The following KCNQ1 variants were observed in gnomAD, a reference collection of about 807,000 sequenced individuals.
The protein encoded by KCNQ1 is potassium voltage-gated channel subfamily KQT member 1.
Under a neutral mutation model 72.4 loss-of-function variants are expected in KCNQ1, and 49 were observed. The ratio of observed to expected loss-of-function variants is 0.68; its 90% CI spans 0.54 to 0.86. The LOEUF (loss-of-function observed/expected upper bound fraction) is 0.86, where lower values mean the gene tolerates loss of function less well. Ranked by LOEUF, KCNQ1 falls within the 40% of genes least tolerant of loss-of-function variation. The pLI is 0.00. For missense variants in KCNQ1, 790 were observed against 945.1 expected, an observed-to-expected ratio of 0.84 and a Z score of 2.15; for synonymous variants, 450 against 412.6, an observed-to-expected ratio of 1.09 and a Z score of -1.10.
At chr11:2,454,670 C>A (rs1463880354) in intron 1 of KCNQ1, among the ~76,000 whole-genome samples, 1 of 152,084 alleles carries the variant, frequency 6.6e-6, no homozygotes, top group South Asian at 2.1e-4. Context: ...AAAACAAAAA[C>A]CGTATGATCA....
chr11:2,644,326 G>A, intron 10 of KCNQ1: 4 of 398,188 alleles, frequency 1.0e-5, no homozygotes, highest in Admixed American at 8.8e-5. Flanking sequence ...TATCTTCAAG[G>A]TGTGAAATTC....
intron 11 of KCNQ1, among the ~76,000 whole-genome samples, chr11:2,726,499 C>A (rs999975886): frequency 6.6e-6 from 1 of 152,178 alleles, no homozygotes; most frequent in African/African-American, 2.4e-5. Context: ...ACACCACCCA[C>A]TGCAGGTTCC....
intron 12 of KCNQ1, among the ~76,000 whole-genome samples, chr11:2,770,627 G>T (rs1386495693): frequency 6.6e-6 from 1 of 152,244 alleles, no homozygotes; most frequent in Non-Finnish European, 1.5e-5. Context: ...AAAGCTCCCA[G>T]CAGTGCCTGG....
In KCNQ1 at chr11:2,612,548, CCTA is replaced by C. The variant is rs1408818556; in HGVS notation, c.1393+23695_1393+23697del. The C allele has an allele frequency of 1.0e-5, 4 of 398,414 alleles. No homozygotes were observed. Among genetic ancestry groups the C allele is most frequent in the African/African-American group, 8.2e-5 (4 of 48,600 alleles). The allele number at this position is 398,414 out of a possible 1,614,324, so 24.7% of individuals were successfully genotyped here. ...CTTAGCCGCACTAGTGAGTTTTTCA[CCTA>C]AGTTATTATATTTCACAACTACAGA... On this transcript the variant is annotated intron_variant, in intron 10 of 15. Coordinates refer to ENST00000155840, the MANE Select transcript of KCNQ1 (RefSeq NM_000218.3). The surrounding 1 kb of genome is among the most constrained non-coding windows in gnomAD (Gnocchi z 5.5).
intron 15 of KCNQ1, among the ~76,000 whole-genome samples, chr11:2,822,086 G>A (rs1335953968): frequency 6.6e-6 from 1 of 152,240 alleles, no homozygotes; most frequent in African/African-American, 2.4e-5. Flanking sequence ...CAGAGAGGCT[G>A]AAGGTGCTGT....
At chr11:2,838,321 G>A (rs1848125586) in intron 15 of KCNQ1, among the ~76,000 whole-genome samples, 1 of 152,172 alleles carries the variant, frequency 6.6e-6, no homozygotes, top group African/African-American at 2.4e-5. Context: ...AAGGAAGCAG[G>A]CTTGGGGCTG....
At chr11:2,841,134 A>G (rs892663215) in intron 15 of KCNQ1, among the ~76,000 whole-genome samples, 2 of 152,158 alleles carry the variant, frequency 1.3e-5, no homozygotes, top group African/African-American at 4.8e-5. Context: ...GAGAGATGAG[A>G]CGAGGAGGCC....
At position 2,735,487 on chromosome 11, in the gene KCNQ1, G is replaced by A. The variant is rs1042150648; in HGVS notation, c.1515-33357G>A. On this transcript the variant is annotated intron_variant, in intron 11 of 15. Coordinates refer to ENST00000155840, the MANE Select transcript of KCNQ1 (RefSeq NM_000218.3). This position sits in a 1 kb window ranked among gnomAD's most constrained non-coding sequence, Gnocchi z 7.7. ...CCACACTCCACTGCATTCAGCCACC[G>A]TCCTGAAGTGCCCCTCACCCACCCA... 2.0e-5 allele frequency among the ~76,000 whole-genome samples: 3 copies of A among 151,616 alleles called. No homozygotes were observed. Among genetic ancestry groups the A allele is most frequent in the Non-Finnish European group, 4.4e-5 (3 of 67,904 alleles).
chr11:2,682,602 G>A lies in KCNQ1; in HGVS notation c.1514+20521G>A, dbSNP rs1590029410. On this transcript the variant is annotated intron_variant, in intron 11 of 15. Coordinates refer to ENST00000155840, the MANE Select transcript of KCNQ1 (RefSeq NM_000218.3). The surrounding 1 kb of genome is among the most constrained non-coding windows in gnomAD (Gnocchi z 5.8). ...GCAACCCAAGGCTGGTCTGGAGAGT[G>A]TAAGGCTTGAGAGCTCTTCTTCAGG... 7.5e-6 allele frequency: 3 copies of A among 398,490 alleles called. No homozygotes were observed. Among genetic ancestry groups the A allele is most frequent in the South Asian group, 1.3e-4 (1 of 7,854 alleles). The allele number at this position is 398,490 out of a possible 1,614,324, so 24.7% of individuals were successfully genotyped here.
chr11:2,660,473 G>T, intron 10 of KCNQ1: 1 of 398,562 alleles, frequency 2.5e-6, no homozygotes, highest in South Asian at 1.3e-4. Context: ...TGAAAAAACA[G>T]ACTGGGGAAG....
chr11:2,459,832 G>A (rs1228348898), intron 1 of KCNQ1, among the ~76,000 whole-genome samples: 2 of 152,158 alleles, frequency 1.3e-5, no homozygotes, highest in African/African-American at 4.8e-5. Context: ...TCCTTCCCAT[G>A]CAGCACAGGT....
chr11:2,547,471 T>C lies in KCNQ1; in HGVS notation c.477+19453T>C, dbSNP rs1488529301. Among the ~76,000 whole-genome samples, 4 of 152,160 alleles carry C rather than the reference T, an allele frequency of 2.6e-5. No homozygotes were observed. The highest frequency in any genetic ancestry group is 9.7e-5 in the African/African-American group (4 of 41,426). On this transcript the variant is annotated intron_variant, in intron 2 of 15. Transcript: ENST00000155840. The surrounding 1 kb of genome is among the most constrained non-coding windows in gnomAD (Gnocchi z 4.2). ...CTGGTCTTGAACTCCTGACCTCAAGTCATCTGCCCGCCTCAGCCTCCCAAA... is the reference window on the plus strand; with the variant it reads ...CTGGTCTTGAACTCCTGACCTCAAGCCATCTGCCCGCCTCAGCCTCCCAAA...
chr11:2,568,635 T>C (rs1848281530), intron 2 of KCNQ1, among the ~76,000 whole-genome samples: 1 of 152,236 alleles, frequency 6.6e-6, no homozygotes, highest in South Asian at 2.1e-4. Flanking sequence ...AATAGTCATT[T>C]ATTTGTTCCT....
intron 15 of KCNQ1, among the ~76,000 whole-genome samples, chr11:2,819,469 C>T (rs544488100): frequency 8.4e-4 from 128 of 152,318 alleles, no homozygotes; most frequent in Non-Finnish European, 1.7e-3. Context: ...CACCAGGTGC[C>T]GAGAGCCTTC....
chr11:2,472,533 G>A (rs1038947657), intron 1 of KCNQ1, among the ~76,000 whole-genome samples: 1 of 152,120 alleles, frequency 6.6e-6, no homozygotes, highest in African/African-American at 2.4e-5. Context: ...AGAGAAGGAG[G>A]GTCGTGGCCT....
chr11:2,796,335 C>A (rs569663042), intron 15 of KCNQ1, among the ~76,000 whole-genome samples: 1 of 152,190 alleles, frequency 6.6e-6, no homozygotes, highest in Admixed American at 6.5e-5. Flanking sequence ...AAGGCGGCCA[C>A]GTCAGTTCTC....
intron 11 of KCNQ1, chr11:2,662,492 T>G (rs1233898821): frequency 1.3e-5 from 6 of 457,490 alleles, no homozygotes; most frequent in Non-Finnish European, 2.3e-5. Context: ...TTGCTGCTGC[T>G]GTCCTCAGGG....
chr11:2,588,825 A>G lies in KCNQ1; in HGVS notation c.1364A>G (p.His455Arg), dbSNP rs562044082. Reference protein sequence around the residue: ...CDPPEERRLDHFSVDGYDSSV... With the variant: ...CDPPEERRLDRFSVDGYDSSV... The stretch of plus-strand genomic sequence containing the variant: ...CCCCCAGAAGAGCGGCGGCTGGACC[A>G]CTTCTCTGTCGACGGCTATGACAGT... Residue 455 changes from histidine to arginine, a missense_variant, in exon 10 of 16, where the codon CAC becomes CGC. Physicochemically the swap from His to Arg is conservative, Grantham distance 29. This residue lies in a region of KCNQ1 where 178 missense variants were observed against 177.9 expected (regional missense o/e 1.00). Transcript: ENST00000155840. The surrounding 1 kb of genome is among the most constrained non-coding windows in gnomAD (Gnocchi z 5.6). 4 of 1,612,568 alleles carry G rather than the reference A, an allele frequency of 2.5e-6. No individual in the cohort carries two copies. The highest frequency in any genetic ancestry group is 1.1e-5 in the South Asian group (1 of 90,980).
At chr11:2,761,383 G>C (rs1323543459) in intron 11 of KCNQ1, among the ~76,000 whole-genome samples, 1 of 152,140 alleles carries the variant, frequency 6.6e-6, no homozygotes, top group Non-Finnish European at 1.5e-5. Context: ...TTGATGTCCA[G>C]CCGCTTGTGT....
Sources: allele counts gnomAD v4.1 joint callset (sites outside exome capture counted in the v4.1 genomes callset), GRCh38; gene constraint gnomAD v4.1.1; regional missense constraint gnomAD v4.1.1; non-coding constraint Gnocchi (gnomAD v3.1); transcripts MANE v1.5; gene names NCBI Gene and HGNC (gene_info 2026-07-23, HGNC 2026-07-21).